The following XNDC1N variants were observed in gnomAD, a reference collection of about 807,000 sequenced individuals.
XNDC1N encodes the protein XRCC1 N-terminal domain containing 1, N-terminal like.
chr11:71,869,543 T>A, the XNDC1N span, among the ~76,000 whole-genome samples: 1 of 152,364 alleles, frequency 6.6e-6, no homozygotes, highest in African/African-American at 2.4e-5. Flanking sequence ...ATTTTGCTGT[T>A]AATACCTGTG....
At chr11:71,920,881 C>T in the XNDC1N span, among the ~76,000 whole-genome samples, 6 of 152,170 alleles carry the variant, frequency 3.9e-5, no homozygotes, top group African/African-American at 1.4e-4. Flanking sequence ...AGGAGAATCG[C>T]TTGAACCTGG....
At chr11:71,887,069 G>C in the XNDC1N span, among the ~76,000 whole-genome samples, 8 of 152,174 alleles carry the variant, frequency 5.3e-5, no homozygotes, top group Non-Finnish European at 8.8e-5. Context: ...CTGGCAGAAG[G>C]GTTCTTGAAC....
At chr11:71,910,905 C>T in the XNDC1N span, among the ~76,000 whole-genome samples, 1 of 152,222 alleles carries the variant, frequency 6.6e-6, no homozygotes, top group Admixed American at 6.5e-5. Flanking sequence ...CCAACAACAG[C>T]AAGGCTTTCA....
chr11:71,922,005 C>T, the XNDC1N span, among the ~76,000 whole-genome samples: 1 of 151,878 alleles, frequency 6.6e-6, no homozygotes, highest in South Asian at 2.1e-4. Context: ...ACTAAAAATA[C>T]AAAAATTAGC....
chr11:71,903,366 G>A, the XNDC1N span: 7 of 1,464,906 alleles, frequency 4.8e-6, no homozygotes, highest in Non-Finnish European at 5.7e-6. Flanking sequence ...CACACCCCAT[G>A]TACTTCTTCC....
At chr11:71,915,974 C>T in the XNDC1N span, 222 of 630,466 alleles carry the variant, frequency 3.5e-4, no homozygotes, top group African/African-American at 3.4e-3. Flanking sequence ...TGTGTGTGTA[C>T]GTGTGTGTGT....
At chr11:71,928,177 A>C in the XNDC1N span, 11,678 of 468,144 alleles carry the variant, frequency 0.025, 194 homozygotes, top group Middle Eastern at 0.05. Flanking sequence ...TGACAGCCTA[A>C]GTAAGACGCG....
At chr11:71,900,350 C>A in the XNDC1N span, among the ~76,000 whole-genome samples, 4 of 152,174 alleles carry the variant, frequency 2.6e-5, no homozygotes, top group South Asian at 8.3e-4. Flanking sequence ...ACTAGACATA[C>A]CCACAGCTGT....
the XNDC1N span, among the ~76,000 whole-genome samples, chr11:71,876,570 C>T: frequency 6.6e-6 from 1 of 152,162 alleles, no homozygotes; most frequent in African/African-American, 2.4e-5. Flanking sequence ...TTGGTGCAAA[C>T]ATAATTGCGA....
the XNDC1N span, chr11:71,893,860 C>T: frequency 7.3e-5 from 69 of 943,122 alleles, no homozygotes; most frequent in Non-Finnish European, 9.6e-5. Context: ...TTGCCCTCTG[C>T]ACTACCCAGT....
At chr11:71,907,409 C>A in the XNDC1N span, among the ~76,000 whole-genome samples, 4 of 149,438 alleles carry the variant, frequency 2.7e-5, no homozygotes. Flanking sequence ...GCTCTTAAGA[C>A]CCCCATCGCA....
At chr11:71,911,352 C>T in the XNDC1N span, among the ~76,000 whole-genome samples, 10 of 152,308 alleles carry the variant, frequency 6.6e-5, no homozygotes, top group South Asian at 2.1e-4. Context: ...AGAGCCCTGT[C>T]GAGCCTGATT....
the XNDC1N span, among the ~76,000 whole-genome samples, chr11:71,915,035 T>C: frequency 1.6e-4 from 25 of 152,342 alleles, no homozygotes; most frequent in East Asian, 3.5e-3. Context: ...TAGATTGATG[T>C]GGCAAATGTA....
At chr11:71,918,991 T>C in the XNDC1N span, 5 of 702,994 alleles carry the variant, frequency 7.1e-6, no homozygotes, top group East Asian at 1.3e-4. Flanking sequence ...TTGGACTATC[T>C]GGGTTTAGCA....
the XNDC1N span, among the ~76,000 whole-genome samples, chr11:71,872,138 T>TA: frequency 1.3e-5 from 2 of 152,084 alleles, no homozygotes; most frequent in Non-Finnish European, 2.9e-5. Context: ...TCCACAACAT[T>TA]ATGCTGCAAG....
chr11:71,883,439 CTT>C, the XNDC1N span, among the ~76,000 whole-genome samples: 1 of 152,120 alleles, frequency 6.6e-6, no homozygotes, highest in East Asian at 1.9e-4. Flanking sequence ...TCAACTGACA[CTT>C]ATAAAGTCAA....
the XNDC1N span, chr11:71,884,547 C>G: frequency 6.2e-7 from 1 of 1,605,070 alleles, no homozygotes; most frequent in Non-Finnish European, 8.5e-7. Flanking sequence ...AATTGATGGA[C>G]AAAAGAAGTG....
the XNDC1N span, among the ~76,000 whole-genome samples, chr11:71,890,485 T>A: frequency 6.6e-6 from 1 of 151,910 alleles, no homozygotes; most frequent in African/African-American, 2.4e-5. Context: ...TGGGATATCA[T>A]CCTCCCGCCC....
the XNDC1N span, among the ~76,000 whole-genome samples, chr11:71,898,116 G>A: frequency 6.6e-6 from 1 of 152,040 alleles, no homozygotes; most frequent in Non-Finnish European, 1.5e-5. Context: ...CCCAGGAGGC[G>A]GAGGTTGGAG....
Sources: gnomAD v4.1 joint callset for allele counts (sites outside exome capture counted in the v4.1 genomes callset) on GRCh38, gnomAD v4.1.1 for gene constraint, MANE v1.5 for transcripts, NCBI Gene and HGNC (gene_info 2026-07-23, HGNC 2026-07-21) for gene names.